Variants in CNTNAP3B observed in about 807,000 individuals in gnomAD.
CNTNAP3B encodes contactin-associated protein-like 3B.
Under a neutral mutation model 108.9 loss-of-function variants are expected in CNTNAP3B, and 25 were observed. The observed-to-expected ratio is 0.23, with a 90% CI of 0.17 to 0.32. The LOEUF (loss-of-function observed/expected upper bound fraction) is 0.32. Ranked by LOEUF, CNTNAP3B falls within the 10% of genes least tolerant of loss-of-function variation. CNTNAP3B has a pLI of 1.00. For synonymous variants in CNTNAP3B, 103 were observed against 473.4 expected, an observed-to-expected ratio of 0.22 and a Z score of 10.16; for missense variants, 252 against 1,210.4, an observed-to-expected ratio of 0.21 and a Z score of 11.75.
Position 42,056,037 on chromosome 9 carries a change from A to G in CNTNAP3B, c.390+20832T>C, listed in dbSNP as rs1270556811. ...CATGTTTGGTGCACAGTAAGCACTC[A>G]AGATACATAATGTCTTCATACTTAA... On this transcript the variant is annotated intron_variant, in intron 3 of 23. Coordinates refer to ENST00000377561, the MANE Select transcript of CNTNAP3B (RefSeq NM_001201380.3). Among the ~76,000 whole-genome samples, 92 of 113,512 alleles carry G rather than the reference A, an allele frequency of 8.1e-4. 14 individuals carry two copies. Among genetic ancestry groups the G allele is most frequent in the Non-Finnish European group, 3.1e-4 (17 of 54,374 alleles). The allele number at this position is 113,512 out of a possible 152,430, so 74.5% of individuals were successfully genotyped here.
intron 10 of CNTNAP3B, among the ~76,000 whole-genome samples, chr9:41,967,384 C>T (rs564937006): frequency 8.7e-4 from 132 of 151,436 alleles, no homozygotes; most frequent in Admixed American, 3.2e-3. Flanking sequence ...CCATATAAGA[C>T]GTGTCTTGTT....
intron 13 of CNTNAP3B, among the ~76,000 whole-genome samples, chr9:41,943,187 G>T (rs1275374881): frequency 6.6e-6 from 1 of 152,406 alleles, no homozygotes; most frequent in Non-Finnish European, 1.5e-5. Flanking sequence ...AGTAAACATT[G>T]TAGAGTGTCT....
chr9:41,939,418 C>T (rs577216654), intron 13 of CNTNAP3B, among the ~76,000 whole-genome samples: 17 of 152,290 alleles, frequency 1.1e-4, no homozygotes, highest in Admixed American at 5.9e-4. Context: ...CTGCTTATTA[C>T]AACTCAATTA....
At chr9:42,055,230 A>C (rs575668989) in intron 3 of CNTNAP3B, among the ~76,000 whole-genome samples, 1 of 138,626 alleles carries the variant, frequency 7.2e-6, no homozygotes, top group Admixed American at 7.2e-5. Flanking sequence ...CATTACCCAG[A>C]GGGAAAAAAT....
At position 42,122,627 on chromosome 9, in the gene CNTNAP3B, T is replaced by C. The variant is rs1587290081; in HGVS notation, c.85+6383A>G. Among the ~76,000 whole-genome samples the C allele has an allele frequency of 2.9e-5, 4 of 138,742 alleles. 1 individual carries two copies. The highest frequency in any genetic ancestry group is 6.2e-5 in the Non-Finnish European group (4 of 64,868). The allele number at this position is 138,742 out of a possible 152,430, so 91.0% of individuals were successfully genotyped here. ...TACCAATCTTCTTACAATAAATTCA[T>C]AAATATCTTAATTATGGCAAATGTG... On this transcript the variant is annotated intron_variant, in intron 1 of 23. Coordinates refer to ENST00000377561, the MANE Select transcript of CNTNAP3B (RefSeq NM_001201380.3).
intron 3 of CNTNAP3B, among the ~76,000 whole-genome samples, chr9:42,044,855 G>GA (rs1328553548): frequency 8.2e-6 from 1 of 121,936 alleles, no homozygotes; most frequent in Admixed American, 8.4e-5. Flanking sequence ...ACATTTCAGA[G>GA]AAAAATCCTG....
chr9:41,925,524 C>T (rs1264422857), intron 15 of CNTNAP3B, among the ~76,000 whole-genome samples: 5 of 152,272 alleles, frequency 3.3e-5, no homozygotes, highest in East Asian at 1.9e-4. Flanking sequence ...ACCCGGGAGG[C>T]GGAGCTTGCA....
At chr9:41,969,552 A>G (rs1825380803) in intron 10 of CNTNAP3B, among the ~76,000 whole-genome samples, 1 of 151,310 alleles carries the variant, frequency 6.6e-6, no homozygotes, top group Middle Eastern at 3.2e-3. Context: ...GGTAAAATTC[A>G]TAAGGTGTAT....
intron 13 of CNTNAP3B, among the ~76,000 whole-genome samples, chr9:41,943,856 G>C (rs1472221955): frequency 6.6e-6 from 1 of 152,268 alleles, no homozygotes; most frequent in African/African-American, 2.4e-5. Context: ...CCACACCTAG[G>C]CATCTCATAT....
chr9:41,982,107 C>A (rs1406965177), intron 9 of CNTNAP3B, among the ~76,000 whole-genome samples: 1 of 89,162 alleles, frequency 1.1e-5, no homozygotes, highest in Non-Finnish European at 2.1e-5. Flanking sequence ...CTACAAAAAT[C>A]CTGGAAGATA....
chr9:42,056,324 A>ATGT (rs1827067337), intron 3 of CNTNAP3B, among the ~76,000 whole-genome samples: 1 of 101,728 alleles, frequency 9.8e-6, no homozygotes, highest in South Asian at 3.1e-4. Flanking sequence ...TATCTCATGA[A>ATGT]TTTTATTATT....
At chr9:41,913,639 A>C (rs1332824394) in intron 18 of CNTNAP3B, among the ~76,000 whole-genome samples, 1 of 140,900 alleles carries the variant, frequency 7.1e-6, no homozygotes, top group African/African-American at 2.8e-5. Flanking sequence ...TCATCTTCCC[A>C]AAATTAAACT....
chr9:42,027,852 A>G (rs1826439704), intron 3 of CNTNAP3B, among the ~76,000 whole-genome samples: 1 of 103,532 alleles, frequency 9.7e-6, no homozygotes, highest in African/African-American at 3.7e-5. Flanking sequence ...ATGACAAAGA[A>G]GAAAGATAAG....
intron 18 of CNTNAP3B, among the ~76,000 whole-genome samples, chr9:41,915,432 GAGAT>G (rs1313478685): frequency 9.4e-6 from 1 of 106,702 alleles, no homozygotes; most frequent in Non-Finnish European, 1.9e-5. Flanking sequence ...ATCTGAGAGA[GAGAT>G]AGCCTTTCTA....
intron 1 of CNTNAP3B, among the ~76,000 whole-genome samples, chr9:42,121,193 T>TTCTACC (rs1291531123): frequency 7.2e-6 from 1 of 138,080 alleles, no homozygotes; most frequent in East Asian, 2.2e-4. Flanking sequence ...GTGAAACACA[T>TTCTACC]TCTACCGGCT....
intron 13 of CNTNAP3B, among the ~76,000 whole-genome samples, chr9:41,952,198 T>C (rs1337302579): frequency 2.6e-5 from 4 of 152,220 alleles, no homozygotes; most frequent in African/African-American, 7.2e-5. Flanking sequence ...TACACCACTT[T>C]CCAACTTAAA....
At chr9:42,098,523 C>A (rs1388772359) in intron 2 of CNTNAP3B, among the ~76,000 whole-genome samples, 2 of 89,842 alleles carry the variant, frequency 2.2e-5, no homozygotes, top group Admixed American at 2.5e-4. Context: ...GTGGAGCTTG[C>A]AGTGAGCAGA....
intron 12 of CNTNAP3B, among the ~76,000 whole-genome samples, chr9:41,959,827 CT>C (rs1329723544): frequency 2.0e-5 from 3 of 152,302 alleles, no homozygotes; most frequent in Non-Finnish European, 4.4e-5. Flanking sequence ...ATTTATGAAA[CT>C]TTTGAAACCT....
intron 13 of CNTNAP3B, among the ~76,000 whole-genome samples, chr9:41,945,708 A>C (rs555012619): frequency 6.6e-6 from 1 of 152,304 alleles, no homozygotes; most frequent in Admixed American, 6.5e-5. Flanking sequence ...ACATATGGAT[A>C]CATATGTAAC....
Sources: allele counts gnomAD v4.1 joint callset (sites outside exome capture counted in the v4.1 genomes callset), GRCh38; gene constraint gnomAD v4.1.1; transcripts MANE v1.5; gene names NCBI Gene and HGNC (gene_info 2026-07-23, HGNC 2026-07-21).